The following METTL15 variants were observed in gnomAD, a reference collection of about 807,000 sequenced individuals.
The protein encoded by METTL15 is 12S rRNA N(4)-cytidine methyltransferase METTL15.
In METTL15, 34 loss-of-function variants were observed where a neutral mutation model predicts 38.3. That is an observed-to-expected ratio of 0.89 (90% CI 0.68 to 1.18). The LOEUF is 1.18. Among genes scored for constraint, METTL15 ranks in the 50% most tolerant of loss-of-function variants. The pLI is 0.00. For missense variants in METTL15, 438 were observed against 498.4 expected, an observed-to-expected ratio of 0.88 and a Z score of 1.15; for synonymous variants, 162 against 170.9, an observed-to-expected ratio of 0.95 and a Z score of 0.41.
intron 6 of METTL15, among the ~76,000 whole-genome samples, chr11:28,437,446 C>T (rs564135633): frequency 3.4e-4 from 52 of 152,226 alleles, no homozygotes; most frequent in South Asian, 1.7e-3. Context: ...GCAACATGGA[C>T]GAAATTTTTA....
At chr11:28,518,035 A>C (rs1406216076) in intron 6 of METTL15, among the ~76,000 whole-genome samples, 1 of 152,218 alleles carries the variant, frequency 6.6e-6, no homozygotes, top group Non-Finnish European at 1.5e-5. Context: ...CAAATTAGTT[A>C]ATGTTCATGT....
At chr11:28,525,940 T>C (rs372302754) in intron 6 of METTL15, among the ~76,000 whole-genome samples, 135 of 152,316 alleles carry the variant, frequency 8.9e-4, no homozygotes, top group African/African-American at 1.5e-3. Flanking sequence ...TCCTGACCCC[T>C]GCCCCAAGGG....
intron 3 of METTL15, among the ~76,000 whole-genome samples, chr11:28,343,225 A>C (rs1849968911): frequency 6.6e-6 from 1 of 152,128 alleles, no homozygotes; most frequent in African/African-American, 2.4e-5. Context: ...GAAAAAAAAA[A>C]AAAAACTTAT....
chr11:28,239,762 C>T (rs1235243357), intron 4 of METTL15, among the ~76,000 whole-genome samples: 1 of 152,162 alleles, frequency 6.6e-6, no homozygotes, highest in African/African-American at 2.4e-5. Context: ...CAAGTCTCTG[C>T]TCAAATGTCT....
intron 4 of METTL15, among the ~76,000 whole-genome samples, chr11:28,277,665 G>A (rs1363978478): frequency 1.3e-5 from 2 of 151,964 alleles, no homozygotes; most frequent in Non-Finnish European, 2.9e-5. Flanking sequence ...ACTCCAGCCT[G>A]GCTGACAGAG....
At chr11:28,400,164 G>C (rs1335190623) in intron 5 of METTL15, among the ~76,000 whole-genome samples, 1 of 151,716 alleles carries the variant, frequency 6.6e-6, no homozygotes, top group Non-Finnish European at 1.5e-5. Context: ...TGTTTAAATG[G>C]TTACAATTTA....
At chr11:28,224,042 CTG>C (rs1383689784) in intron 4 of METTL15, among the ~76,000 whole-genome samples, 3 of 151,834 alleles carry the variant, frequency 2.0e-5, no homozygotes, top group East Asian at 3.9e-4. Flanking sequence ...ATATAATAAA[CTG>C]TTATTTTCAA....
intron 3 of METTL15, among the ~76,000 whole-genome samples, chr11:28,115,917 G>GAC (rs36046835): frequency 4.8e-5 from 6 of 125,672 alleles, no homozygotes; most frequent in Non-Finnish European, 8.4e-5. Context: ...TGTATACACA[G>GAC]ACACACACAC....
intron 4 of METTL15, among the ~76,000 whole-genome samples, chr11:28,288,727 C>T (rs369379994): frequency 6.6e-6 from 1 of 152,052 alleles, no homozygotes; most frequent in Admixed American, 6.6e-5. Context: ...GGCTTAATAC[C>T]TGGGTGATGA....
intron 6 of METTL15, among the ~76,000 whole-genome samples, chr11:28,453,128 C>T (rs373266078): frequency 6.6e-6 from 1 of 152,240 alleles, no homozygotes. Flanking sequence ...CCAGAATCTC[C>T]CTATTCTACT....
At chr11:28,146,124 T>C (rs1238114186) in intron 3 of METTL15, among the ~76,000 whole-genome samples, 2 of 152,112 alleles carry the variant, frequency 1.3e-5, no homozygotes, top group African/African-American at 4.8e-5. Context: ...TTTTCATTGT[T>C]TTGTTAACAA....
intron 3 of METTL15, among the ~76,000 whole-genome samples, chr11:28,126,449 G>T (rs1324251371): frequency 1.3e-5 from 2 of 151,994 alleles, no homozygotes; most frequent in Non-Finnish European, 2.9e-5. Flanking sequence ...TATCCTCAGT[G>T]CTAAGAGCAT....
At chr11:28,292,322 C>T (rs1327954826) in intron 5 of METTL15, among the ~76,000 whole-genome samples, 2 of 149,136 alleles carry the variant, frequency 1.3e-5, no homozygotes, top group African/African-American at 4.9e-5. Context: ...GGTTTTTTGT[C>T]CTTGCTATAG....
chr11:28,308,106 A>G (rs1857144228), intron 6 of METTL15, among the ~76,000 whole-genome samples: 1 of 152,020 alleles, frequency 6.6e-6, no homozygotes, highest in African/African-American at 2.4e-5. Flanking sequence ...CTTTGCAGAT[A>G]TCATTTCATT....
intron 3 of METTL15, among the ~76,000 whole-genome samples, chr11:28,123,423 T>C (rs1423200686): frequency 6.6e-6 from 1 of 152,108 alleles, no homozygotes; most frequent in Non-Finnish European, 1.5e-5. Context: ...ACTACTGAGC[T>C]GAGGTGTAAG....
At chr11:28,220,095 A>G (rs1382475938) in intron 4 of METTL15, among the ~76,000 whole-genome samples, 1 of 152,176 alleles carries the variant, frequency 6.6e-6, no homozygotes, top group Non-Finnish European at 1.5e-5. Context: ...TGCAGAGCTG[A>G]GTTCAATTCC....
Position 28,211,214 on chromosome 11 carries a change from G to T in METTL15, c.407+16G>T, listed in dbSNP as rs1390918871. The T allele has an allele frequency of 1.3e-6, 2 of 1,590,628 alleles. No homozygotes were observed. The highest frequency in any genetic ancestry group is 1.2e-5 in the South Asian group (1 of 86,612). ...AGTTGTATCCGTAAGTAATACCCTT[G>T]CATATTTATTTGATTTTGGTTCTTA... On this transcript the variant is annotated intron_variant, in intron 4 of 6. Coordinates refer to ENST00000407364, the MANE Select transcript of METTL15 (RefSeq NM_001113528.2).
At chr11:28,311,166 C>A (rs1487122776) in intron 6 of METTL15, among the ~76,000 whole-genome samples, 1 of 152,132 alleles carries the variant, frequency 6.6e-6, no homozygotes, top group East Asian at 1.9e-4. Flanking sequence ...GCAATTAAAT[C>A]ATTGTTTTGC....
chr11:28,511,339 A>C (rs1245527344), intron 6 of METTL15, among the ~76,000 whole-genome samples: 1 of 152,226 alleles, frequency 6.6e-6, no homozygotes, highest in African/African-American at 2.4e-5. Flanking sequence ...TATATACTGT[A>C]TTTTTACAAT....
Sources: allele counts gnomAD v4.1 joint callset (sites outside exome capture counted in the v4.1 genomes callset), GRCh38; gene constraint gnomAD v4.1.1; transcripts MANE v1.5; gene names NCBI Gene and HGNC (gene_info 2026-07-23, HGNC 2026-07-21).